The following DNMT3B variants were observed in gnomAD, a reference collection of about 807,000 sequenced individuals.
DNMT3B encodes the protein DNA methyltransferase 3 beta, also known as DNA (cytosine-5)-methyltransferase 3B.
A neutral mutation model predicts 120.2 loss-of-function variants in DNMT3B; 37 were observed. The observed-to-expected ratio is 0.31, with a 90% CI of 0.24 to 0.40. The LOEUF (loss-of-function observed/expected upper bound fraction) is 0.40, where lower values mean the gene tolerates loss of function less well. Ranked by LOEUF, DNMT3B falls within the 10% of genes least tolerant of loss-of-function variation. The probability of loss-of-function intolerance (pLI) is 1.00; values close to 1 mark genes in which losing one functional copy is unlikely to be tolerated. For missense variants in DNMT3B, 878 were observed against 1,137.3 expected, an observed-to-expected ratio of 0.77 and a Z score of 3.28; for synonymous variants, 412 against 442.8, an observed-to-expected ratio of 0.93 and a Z score of 0.87.
At position 32,799,264 on chromosome 20, in the gene DNMT3B, T is replaced by A; in HGVS notation, c.1695T>A (p.Pro565=). 6.2e-7 allele frequency: 1 copy of A among 1,613,160 alleles called. No homozygotes were observed. Among genetic ancestry groups the A allele is most frequent in the Non-Finnish European group, 8.5e-7 (1 of 1,179,696 alleles). Residue 565 remains proline (P), a synonymous_variant, in exon 16 of 23, where the codon CCT becomes CCA. Coordinates refer to ENST00000328111, the MANE Select transcript of DNMT3B (RefSeq NM_006892.4). ...GLEYEAPKLY[P]AIPAARRRPI... Reference sequence around the variant, plus strand: ...GGCAGGAAGCCCCCAAGCTGTACCCTGCCATTCCCGCAGCCCGAAGGCGGC... The same window carrying A: ...GGCAGGAAGCCCCCAAGCTGTACCCAGCCATTCCCGCAGCCCGAAGGCGGC...
chr20:32,780,113 C>T (rs539431309), intron 1 of DNMT3B: 2 of 1,612,436 alleles, frequency 1.2e-6, no homozygotes, highest in East Asian at 2.2e-5. Context: ...ACAGCCTGTC[C>T]ACATGGAACC....
Position 32,798,572 on chromosome 20 carries a change from G to A in DNMT3B, c.1603G>A (p.Val535Ile), listed in dbSNP as rs200193299. ...GTGTCTCCCGCAGCGCTGTCATGGCGTCCTGCGGCGCCGGAAGGACTGGAA... is the reference window on the plus strand; with the variant it reads ...GTGTCTCCCGCAGCGCTGTCATGGCATCCTGCGGCGCCGGAAGGACTGGAA... ...YMCLPQRCHG[V>I]LRRRKDWNVR... The change falls in exon 15 of 23, where the codon GTC becomes ATC. Residue 535 changes from valine (V) to isoleucine (I), a missense_variant. Physicochemically the swap from Val to Ile is conservative, Grantham distance 29. Around this residue, in one of 4 missense-constraint regions of DNMT3B, gnomAD observed 334 missense variants for 518.8 expected, o/e 0.64. Coordinates refer to ENST00000328111, the MANE Select transcript of DNMT3B (RefSeq NM_006892.4). 1.1e-4 allele frequency: 180 copies of A among 1,614,248 alleles called. No homozygotes were observed. In the East Asian group the frequency reaches 2.0e-3, roughly 18 times the overall value.
At chr20:32,791,572 T>C (rs758507276) in intron 7 of DNMT3B, 29 bp from the exon 8 acceptor site, 1 of 1,609,932 alleles carries the variant, frequency 6.2e-7, no homozygotes, top group Non-Finnish European at 8.5e-7. Context: ...CACCTGTAGG[T>C]GGATGTTGAT....
chr20:32,780,138 C>T (rs781384415), intron 1 of DNMT3B, 180 bp from the exon 2 acceptor site: 1 of 1,613,816 alleles, frequency 6.2e-7, no homozygotes, highest in Non-Finnish European at 8.5e-7. Context: ...CCTGAGCCTC[C>T]AAGCTTGGTG....
In DNMT3B at chr20:32,792,239, G is replaced by C. The variant is rs117882946; in HGVS notation, c.922-387G>C. On this transcript the variant is annotated intron_variant, in intron 8 of 22. Coordinates refer to ENST00000328111, the MANE Select transcript of DNMT3B (RefSeq NM_006892.4). ...ACACAAGTTAATGTCCCCATCTTTA[G>C]GGAGATAAAACAAGAAATCTAGTGC... Among the ~76,000 whole-genome samples, 1,042 of 152,206 alleles carry C rather than the reference G, an allele frequency of 6.8e-3. 4 individuals carry two copies. The highest frequency in any genetic ancestry group is 0.011 in the Non-Finnish European group (745 of 68,008).
At chr20:32,785,251 G>T (rs573416231) in intron 4 of DNMT3B, among the ~76,000 whole-genome samples, 6 of 152,234 alleles carry the variant, frequency 3.9e-5, no homozygotes, top group Admixed American at 1.3e-4. Context: ...TGTTGGCCAG[G>T]CTGGTCTCGA....
chr20:32,800,797 G>C (rs748899219), intron 17 of DNMT3B, 38 bp from the exon 18 acceptor site: 3 of 1,608,138 alleles, frequency 1.9e-6, no homozygotes, highest in Non-Finnish European at 2.6e-6. Context: ...CTTTCCCTCT[G>C]TCCACACCCT....
At chr20:32,801,680 G>T (rs1166815821) in intron 19 of DNMT3B, among the ~76,000 whole-genome samples, 1 of 152,128 alleles carries the variant, frequency 6.6e-6, no homozygotes, top group African/African-American at 2.4e-5. Context: ...AAACAGCTGG[G>T]CTCAGGCAAT....
At position 32,808,603 on chromosome 20, in the gene DNMT3B, C is replaced by G. The variant is rs1330195428; in HGVS notation, c.*700C>G. ...ATTTTTTCCCCCACAAACCCAAGGG[C>G]AGGGGCCACTCTTAGCTAAATCCCT... On this transcript the variant is annotated 3_prime_UTR_variant, in exon 23 of 23. Coordinates refer to ENST00000328111, the MANE Select transcript of DNMT3B (RefSeq NM_006892.4). 4.3e-6 allele frequency: 1 copy of G among 231,396 alleles called. No individual in the cohort carries two copies. 14.3% of individuals were successfully genotyped at this position (231,396 alleles called of 1,614,324 possible).
Position 32,805,387 on chromosome 20 carries a change from G to A in DNMT3B, c.2281G>A (p.Glu761Lys). ...TAAACTCGAGCTGCAGGACTGCTTG[G>A]AATACAATAGGATAGCCAAGGTAAG... The part of the protein sequence containing the change: ...NDKLELQDCL[E>K]YNRIAKLKKV... The change falls in exon 21 of 23, where the codon GAA becomes AAA. Residue 761 changes from glutamate to lysine, a missense_variant. Coordinates refer to ENST00000328111, the MANE Select transcript of DNMT3B (RefSeq NM_006892.4). 6.2e-7 allele frequency: 1 copy of A among 1,614,084 alleles called. No individual in the cohort carries two copies.
In DNMT3B at chr20:32,787,396, T is replaced by A; in HGVS notation, c.599T>A (p.Met200Lys). The A allele has an allele frequency of 1.2e-6, 2 of 1,614,170 alleles. No homozygotes were observed. The highest frequency in any genetic ancestry group is 1.7e-6 in the Non-Finnish European group (2 of 1,180,020). Residue 200 changes from methionine (M) to lysine (K), a missense_variant, in exon 6 of 23, where the codon ATG (methionine) becomes AAG (lysine). This residue lies in a region of DNMT3B where 287 missense variants were observed against 306.2 expected (regional missense o/e 0.94). Coordinates refer to ENST00000328111, the MANE Select transcript of DNMT3B (RefSeq NM_006892.4). ...GCCCAGGACAGCCAGCAGGGGGGCA[T>A]GGAGTCCCCGCAGGTGGAGGCAGAC... ...RLAQDSQQGG[M>K]ESPQVEADSG...
chr20:32,795,362 T>C, intron 10 of DNMT3B, 47 bp from the exon 11 acceptor site: 1 of 1,613,042 alleles, frequency 6.2e-7, no homozygotes, highest in Non-Finnish European at 8.5e-7. Flanking sequence ...GCATTCTCTC[T>C]GGACCCTCCT....
In DNMT3B at chr20:32,808,077, C is replaced by A; in HGVS notation, c.*174C>A. The A allele has an allele frequency of 9.2e-7, 1 of 1,091,702 alleles. No individual in the cohort carries two copies. The highest frequency in any genetic ancestry group is 2.6e-5 in the East Asian group (1 of 38,446). The allele number at this position is 1,091,702 out of a possible 1,614,324, so 67.6% of individuals were successfully genotyped here. A position where few individuals can be genotyped will look rare whatever the true frequency, so the allele number is the denominator to read the frequency against. On this transcript the variant is annotated 3_prime_UTR_variant, in exon 23 of 23. Coordinates refer to ENST00000328111, the MANE Select transcript of DNMT3B (RefSeq NM_006892.4). ...GCCACCTGACTCTTGCAGGGGTAGC[C>A]TGAGGTGCCGCCTCCTTGTGCACAA...
chr20:32,791,554 C>T (rs1333759930), intron 7 of DNMT3B, 47 bp from the exon 8 acceptor site: 1 of 1,592,094 alleles, frequency 6.3e-7, no homozygotes, highest in Non-Finnish European at 8.6e-7. Context: ...GACATGGCAC[C>T]TGGGACACAC....
chr20:32,802,606 C>T (rs902956468), intron 20 of DNMT3B, 136 bp downstream of exon 20: 9 of 887,930 alleles, frequency 1.0e-5, no homozygotes, highest in East Asian at 4.9e-5. Flanking sequence ...CACCTGTGGT[C>T]GTGCGGGTTG....
intron 1 of DNMT3B, chr20:32,779,840 G>C (rs1380317268): frequency 1.7e-6 from 1 of 581,538 alleles, no homozygotes; most frequent in Non-Finnish European, 3.1e-6. Context: ...AAGAGGACCT[G>C]GAGATTGAGG....
Position 32,807,818 on chromosome 20 carries a change from G to T in DNMT3B, c.2477G>T (p.Arg826Leu), listed in dbSNP as rs756972254. 6.2e-7 allele frequency: 1 copy of T among 1,614,138 alleles called. No homozygotes were observed. The highest frequency in any genetic ancestry group is 8.5e-7 in the Non-Finnish European group (1 of 1,180,020). ...TDVSNMGRGA[R>L]QKLLGRSWSV... ...GTGTCCAACATGGGCCGTGGTGCCC[G>T]CCAGAAGCTGCTGGGAAGGTCCTGG... Residue 826 changes from arginine to leucine, a missense_variant, in exon 23 of 23, where the codon CGC (arginine) becomes CTC (leucine). Around this residue, in one of 4 missense-constraint regions of DNMT3B, gnomAD observed 334 missense variants for 518.8 expected, o/e 0.64. Transcript: ENST00000328111.
At chr20:32,778,251 G>A (rs577572532) in intron 1 of DNMT3B, among the ~76,000 whole-genome samples, 2 of 152,140 alleles carry the variant, frequency 1.3e-5, no homozygotes, top group African/African-American at 4.8e-5. Flanking sequence ...CAGGAGAATC[G>A]CTTGAACCTG....
chr20:32,803,724 C>G (rs752377425), intron 20 of DNMT3B, among the ~76,000 whole-genome samples: 2 of 152,080 alleles, frequency 1.3e-5, no homozygotes, highest in Non-Finnish European at 2.9e-5. Context: ...TTAGAGTACT[C>G]CAGGTGGGAA....
Sources: allele counts gnomAD v4.1 joint callset (sites outside exome capture counted in the v4.1 genomes callset), GRCh38; gene constraint gnomAD v4.1.1; regional missense constraint gnomAD v4.1.1; transcripts MANE v1.5; gene names NCBI Gene and HGNC (gene_info 2026-07-23, HGNC 2026-07-21).